Variants in DNM3 observed in about 807,000 individuals in gnomAD.
DNM3 encodes the protein dynamin 3.
Under a neutral mutation model 101.6 loss-of-function variants are expected in DNM3, and 47 were observed. The ratio of observed to expected loss-of-function variants is 0.46; its 90% CI spans 0.37 to 0.59. The LOEUF (loss-of-function observed/expected upper bound fraction) is 0.59. Among genes scored for constraint, DNM3 ranks in the 20% least tolerant of loss-of-function variants. DNM3 has a pLI of 0.00. For missense variants in DNM3, 849 were observed against 1,085.7 expected (o/e 0.78, Z 3.06); for synonymous variants, 385 against 387.9 (o/e 0.99, Z 0.09).
chr1:171,901,153 G>T (rs935326465), intron 1 of DNM3, among the ~76,000 whole-genome samples: 3 of 147,028 alleles, frequency 2.0e-5, no homozygotes, highest in African/African-American at 7.5e-5. Context: ...ATGAAGTTCA[G>T]CACCTAGGAA....
chr1:172,165,737 T>C (rs950838658), intron 14 of DNM3, among the ~76,000 whole-genome samples: 1 of 152,160 alleles, frequency 6.6e-6, no homozygotes, highest in Non-Finnish European at 1.5e-5. Flanking sequence ...AAATGTTGCA[T>C]AGAAATCTTT....
intron 13 of DNM3, among the ~76,000 whole-genome samples, chr1:172,101,653 T>C (rs1467853032): frequency 6.6e-6 from 1 of 152,176 alleles, no homozygotes; most frequent in Non-Finnish European, 1.5e-5. Flanking sequence ...ATGGGAAAAC[T>C]GAGGCATGGA....
At chr1:172,305,410 A>C (rs946289518) in intron 15 of DNM3, among the ~76,000 whole-genome samples, 1 of 152,198 alleles carries the variant, frequency 6.6e-6, no homozygotes, top group Non-Finnish European at 1.5e-5. Context: ...CAACCAAAAA[A>C]GTCCAAAACC....
chr1:172,171,671 T>C (rs2058966657), intron 14 of DNM3, among the ~76,000 whole-genome samples: 1 of 151,738 alleles, frequency 6.6e-6, no homozygotes, highest in Non-Finnish European at 1.5e-5. Context: ...GATACAATCA[T>C]GCTTTGGAAA....
chr1:172,098,144 G>A (rs183163255), intron 13 of DNM3, among the ~76,000 whole-genome samples: 2 of 152,238 alleles, frequency 1.3e-5, no homozygotes, highest in Non-Finnish European at 2.9e-5. Flanking sequence ...AAATTTATTA[G>A]GTGGGAATTT....
intron 15 of DNM3, among the ~76,000 whole-genome samples, chr1:172,275,696 A>G (rs2063258493): frequency 6.6e-6 from 1 of 152,110 alleles, no homozygotes; most frequent in African/African-American, 2.4e-5. Flanking sequence ...AGAAGTTCTG[A>G]GAAAGCACAC....
At chr1:171,847,896 CTG>C (rs752990905) in intron 1 of DNM3, among the ~76,000 whole-genome samples, 216 of 141,160 alleles carry the variant, frequency 1.5e-3, no homozygotes, top group African/African-American at 1.7e-3. Context: ...CTCTCTCTCT[CTG>C]TGTGTGTGTG....
intron 11 of DNM3, among the ~76,000 whole-genome samples, chr1:172,078,662 A>G (rs565202131): frequency 6.6e-5 from 10 of 152,274 alleles, no homozygotes; most frequent in African/African-American, 2.4e-4. Context: ...TGATCCTGTC[A>G]TTATGATGCT....
chr1:172,063,370 G>GT (rs35108021), intron 10 of DNM3, among the ~76,000 whole-genome samples: 3,206 of 145,132 alleles, frequency 0.022, 64 homozygotes, highest in Admixed American at 0.037. Flanking sequence ...TCTCCCAAGT[G>GT]TTTTTTTTTT....
chr1:171,851,696 G>A (rs2032992774), intron 1 of DNM3, among the ~76,000 whole-genome samples: 1 of 152,256 alleles, frequency 6.6e-6, no homozygotes, highest in Non-Finnish European at 1.5e-5. Flanking sequence ...TTATAGGCGT[G>A]AGCCACTGCA....
intron 1 of DNM3, among the ~76,000 whole-genome samples, chr1:171,870,146 C>G (rs1181275464): frequency 2.0e-5 from 3 of 152,084 alleles, no homozygotes; most frequent in Non-Finnish European, 4.4e-5. Flanking sequence ...AATACTAGCA[C>G]GTTTGCTATT....
At chr1:172,038,281 C>T in intron 6 of DNM3, 38 bp from the exon 7 acceptor site, 1 of 1,610,842 alleles carries the variant, frequency 6.2e-7, no homozygotes, top group Non-Finnish European at 8.5e-7. Flanking sequence ...GTATATGATT[C>T]AATCTTCAAT....
At chr1:171,954,868 AT>A (rs1418212184) in intron 2 of DNM3, among the ~76,000 whole-genome samples, 1 of 152,266 alleles carries the variant, frequency 6.6e-6, no homozygotes, top group Non-Finnish European at 1.5e-5. Flanking sequence ...AGCTAAAAAT[AT>A]GTTTTCAGCA....
intron 14 of DNM3, among the ~76,000 whole-genome samples, chr1:172,157,124 C>CT (rs1466414895): frequency 6.6e-6 from 1 of 152,188 alleles, no homozygotes; most frequent in African/African-American, 2.4e-5. Context: ...ATGTATACAA[C>CT]TTATCATAAC....
chr1:171,955,751 T>C (rs2042811823), intron 2 of DNM3, among the ~76,000 whole-genome samples: 1 of 152,130 alleles, frequency 6.6e-6, no homozygotes, highest in Middle Eastern at 3.2e-3. Flanking sequence ...TATTAGTCTG[T>C]TTTCATGCTG....
intron 15 of DNM3, among the ~76,000 whole-genome samples, chr1:172,283,796 G>C (rs1249851797): frequency 8.0e-6 from 1 of 124,866 alleles, no homozygotes; most frequent in African/African-American, 3.0e-5. Context: ...AAGAAAGAAA[G>C]AAAACCAAGT....
intron 15 of DNM3, among the ~76,000 whole-genome samples, chr1:172,306,978 A>G (rs868027161): frequency 6.6e-6 from 1 of 152,220 alleles, no homozygotes; most frequent in African/African-American, 2.4e-5. Context: ...CAAGGACTTC[A>G]TGTCTAAAAC....
chr1:172,308,712 T>C lies in DNM3; in HGVS notation c.1770-16T>C. 1 of 1,467,548 alleles carries C rather than the reference T, an allele frequency of 6.8e-7. No homozygotes were observed. The highest frequency in any genetic ancestry group is 1.3e-5 in the South Asian group (1 of 74,476). The allele number at this position is 1,467,548 out of a possible 1,614,324, so 90.9% of individuals were successfully genotyped here. On this transcript the variant is annotated splice_polypyrimidine_tract_variant and intron_variant, in intron 15 of 20. Transcript: ENST00000627582. ...GTTCAAACTAAAAGCATGATTTTTT[T>C]TTTTTTTAACTCCAGGAATGTATAC... is the stretch of plus-strand genomic sequence containing the variant.
At chr1:171,920,537 G>A (rs2040074895) in intron 1 of DNM3, among the ~76,000 whole-genome samples, 1 of 152,144 alleles carries the variant, frequency 6.6e-6, no homozygotes, top group Non-Finnish European at 1.5e-5. Context: ...TTTCTGATGG[G>A]CCTGGAACCA....
Sources: allele counts gnomAD v4.1 joint callset (sites outside exome capture counted in the v4.1 genomes callset), GRCh38; gene constraint gnomAD v4.1.1; transcripts MANE v1.5; gene names NCBI Gene and HGNC (gene_info 2026-07-23, HGNC 2026-07-21).